Variants in MMS22L observed in about 807,000 individuals in gnomAD.
MMS22L encodes the protein MMS22 like, DNA repair protein, also known as protein MMS22-like.
In MMS22L, 74 loss-of-function variants were observed where a neutral mutation model predicts 159.1. That is an observed-to-expected ratio of 0.47 (90% confidence interval 0.39 to 0.56). The LOEUF is 0.56. Among genes scored for constraint, MMS22L ranks in the 20% least tolerant of loss-of-function variants. The pLI, the probability that MMS22L is intolerant of heterozygous loss-of-function variation, is 0.00. For missense variants in MMS22L, 1,351 were observed against 1,422.1 expected (o/e 0.95, Z 0.80); for synonymous variants, 517 against 506.9 (o/e 1.02, Z -0.27).
In MMS22L at chr6:97,282,435, A is replaced by C; in HGVS notation, c.43T>G (p.Leu15Val). 1 of 1,613,978 alleles carries C rather than the reference A, an allele frequency of 6.2e-7. No homozygotes were observed. Among genetic ancestry groups the C allele is most frequent in the Non-Finnish European group, 8.5e-7 (1 of 1,180,010 alleles). Reference protein sequence around the residue: ...SAASTFLTDSLELELGTEWCK... With the variant: ...SAASTFLTDSVELELGTEWCK... Reference sequence around the variant, plus strand: ...CATTCCGTCCCCAGCTCCAGCTCTAAGCTGTCAGTCAGGAACGTCGATGCA... The same window carrying C: ...CATTCCGTCCCCAGCTCCAGCTCTACGCTGTCAGTCAGGAACGTCGATGCA... The change falls in exon 2 of 25, where the codon TTA (leucine) becomes GTA (valine). Residue 15 changes from leucine to valine, a missense_variant. Coordinates refer to ENST00000683635, the MANE Select transcript of MMS22L (RefSeq NM_001350599.2).
chr6:97,280,892 AAAC>A (rs1816700115), intron 3 of MMS22L, among the ~76,000 whole-genome samples: 2 of 152,220 alleles, frequency 1.3e-5, no homozygotes, highest in Admixed American at 1.3e-4. Context: ...TACACAGTCT[AAAC>A]AATTTATTTG....
intron 11 of MMS22L, among the ~76,000 whole-genome samples, chr6:97,242,456 T>C (rs1015055446): frequency 2.0e-5 from 3 of 152,198 alleles, no homozygotes; most frequent in African/African-American, 7.2e-5. Context: ...ACTATCTTTT[T>C]CCACCCCATT....
chr6:97,215,216 T>C (rs1429304477), intron 14 of MMS22L, among the ~76,000 whole-genome samples: 1 of 151,842 alleles, frequency 6.6e-6, no homozygotes, highest in Non-Finnish European at 1.5e-5. Flanking sequence ...ATTTTACTAG[T>C]TTCCAGGAAA....
At chr6:97,241,706 T>C (rs1812094023) in intron 11 of MMS22L, among the ~76,000 whole-genome samples, 1 of 152,220 alleles carries the variant, frequency 6.6e-6, no homozygotes, top group Non-Finnish European at 1.5e-5. Flanking sequence ...GATTGTCTAT[T>C]TGTGCTCTTT....
chr6:97,263,704 TTC>T (rs1814751291), intron 8 of MMS22L: 3 of 254,376 alleles, frequency 1.2e-5, no homozygotes, highest in Admixed American at 5.7e-5. Context: ...TCAGCAAACT[TTC>T]TCTTTTTTTT....
intron 14 of MMS22L, among the ~76,000 whole-genome samples, chr6:97,209,924 C>G (rs1042166311): frequency 6.6e-6 from 1 of 151,812 alleles, no homozygotes; most frequent in Non-Finnish European, 1.5e-5. Context: ...TTAATTTAAT[C>G]GTGCTGGCAG....
chr6:97,271,143 TAACA>T (rs1331655483), intron 6 of MMS22L: 1 of 152,118 alleles, frequency 6.6e-6, no homozygotes, highest in African/African-American at 2.4e-5. Context: ...AAGACTGTTA[TAACA>T]AATATATAAA....
intron 14 of MMS22L, among the ~76,000 whole-genome samples, chr6:97,191,274 T>A (rs1265895830): frequency 6.6e-6 from 1 of 152,166 alleles, no homozygotes; most frequent in Non-Finnish European, 1.5e-5. Context: ...CCTAGTAACT[T>A]AGGCAGGCTT....
At chr6:97,226,860 A>C (rs1246813444) in intron 14 of MMS22L, among the ~76,000 whole-genome samples, 1 of 152,066 alleles carries the variant, frequency 6.6e-6, no homozygotes, top group Non-Finnish European at 1.5e-5. Flanking sequence ...TGAGCACTGT[A>C]GAGTGTTTAG....
chr6:97,193,773 T>G (rs1035818641), intron 14 of MMS22L, among the ~76,000 whole-genome samples: 1 of 152,198 alleles, frequency 6.6e-6, no homozygotes, highest in African/African-American at 2.4e-5. Flanking sequence ...TATTTATTTA[T>G]TTTTTGAGAC....
chr6:97,225,191 C>G (rs1810090075), intron 14 of MMS22L, among the ~76,000 whole-genome samples: 1 of 151,974 alleles, frequency 6.6e-6, no homozygotes, highest in Non-Finnish European at 1.5e-5. Flanking sequence ...AAGAAAAGTT[C>G]CAGTTAGGAG....
chr6:97,217,919 G>A (rs1809200395), intron 14 of MMS22L, among the ~76,000 whole-genome samples: 1 of 151,980 alleles, frequency 6.6e-6, no homozygotes. Context: ...TCTTCCAAAT[G>A]CCTTCCTTCC....
chr6:97,187,631 A>C (rs1411229072), intron 14 of MMS22L, among the ~76,000 whole-genome samples: 1 of 152,160 alleles, frequency 6.6e-6, no homozygotes, highest in African/African-American at 2.4e-5. Context: ...GAAATTATGG[A>C]GAAGACTTCC....
intron 22 of MMS22L, among the ~76,000 whole-genome samples, chr6:97,152,618 A>T (rs184855563): frequency 6.6e-6 from 1 of 152,256 alleles, no homozygotes; most frequent in Admixed American, 6.5e-5. Context: ...ACCCTAAATT[A>T]TAGCAGGAGC....
chr6:97,204,646 G>A (rs1807554032), intron 14 of MMS22L, among the ~76,000 whole-genome samples: 2 of 151,872 alleles, frequency 1.3e-5, no homozygotes, highest in South Asian at 4.2e-4. Flanking sequence ...GGCGGGGGTA[G>A]GGGGTGGGCA....
chr6:97,238,644 T>C (rs1811708323), intron 11 of MMS22L, among the ~76,000 whole-genome samples: 2 of 150,598 alleles, frequency 1.3e-5, no homozygotes, highest in Admixed American at 1.3e-4. Flanking sequence ...AGCTATTTAA[T>C]GAATATTCCA....
chr6:97,254,468 C>T, intron 10 of MMS22L, 89 bp downstream of exon 10: 1 of 1,035,464 alleles, frequency 9.7e-7, no homozygotes, highest in Non-Finnish European at 1.4e-6. Flanking sequence ...TCTGACTTTT[C>T]TTGTTTCTGC....
chr6:97,234,234 T>C (rs1016340939), intron 11 of MMS22L, among the ~76,000 whole-genome samples: 1 of 152,076 alleles, frequency 6.6e-6, no homozygotes, highest in African/African-American at 2.4e-5. Flanking sequence ...TATTTAAAAA[T>C]TACAGGTGTT....
intron 15 of MMS22L, 116 bp downstream of exon 15, chr6:97,186,381 T>A (rs567577872): frequency 1.4e-6 from 1 of 733,690 alleles, no homozygotes; most frequent in African/African-American, 1.8e-5. Flanking sequence ...ATTTGTTTCA[T>A]CTTTCTGGCT....
Sources: gnomAD v4.1 joint callset for allele counts (sites outside exome capture counted in the v4.1 genomes callset) on GRCh38, gnomAD v4.1.1 for gene constraint, MANE v1.5 for transcripts, NCBI Gene and HGNC (gene_info 2026-07-23, HGNC 2026-07-21) for gene names.